TMEM132C: variants seen among roughly 807,000 people sequenced by gnomAD.
The protein encoded by TMEM132C is transmembrane protein 132C, also known as protein phosphatase 1, regulatory subunit 152.
In TMEM132C, 29 loss-of-function variants were observed where a neutral mutation model predicts 61.4. The ratio of observed to expected loss-of-function variants is 0.47; its 90% CI spans 0.35 to 0.64. TMEM132C has a LOEUF of 0.64. Among genes scored for constraint, TMEM132C ranks in the 30% least tolerant of loss-of-function variants. The pLI is 0.00. For missense variants in TMEM132C, 1,408 were observed against 1,476.9 expected (o/e 0.95, Z 0.76); for synonymous variants, 656 against 633.1 (o/e 1.04, Z -0.54).
intron 3 of TMEM132C, among the ~76,000 whole-genome samples, chr12:128,565,875 G>GA (rs768067209): frequency 0.011 from 1,406 of 131,274 alleles, 14 homozygotes; most frequent in Admixed American, 0.015. Context: ...CTAAATAGGT[G>GA]AAAAAAAAAA....
intron 4 of TMEM132C, among the ~76,000 whole-genome samples, chr12:128,628,723 G>A (rs1954041130): frequency 6.6e-6 from 1 of 152,186 alleles, no homozygotes; most frequent in Admixed American, 6.5e-5. Flanking sequence ...ACATCTGCCT[G>A]CTCCACCCGG....
chr12:128,270,390 C>T (rs1189127334), intron 1 of TMEM132C, among the ~76,000 whole-genome samples: 2 of 152,196 alleles, frequency 1.3e-5, no homozygotes, highest in Admixed American at 6.5e-5. Flanking sequence ...GCACATCGTG[C>T]TGACTTTGTG....
chr12:128,419,228 T>C (rs1049249562), intron 2 of TMEM132C, among the ~76,000 whole-genome samples: 10 of 152,188 alleles, frequency 6.6e-5, no homozygotes, highest in Admixed American at 2.0e-4. Context: ...AAGAAACCAA[T>C]AGGTATTTGG....
chr12:128,538,101 G>A (rs1033867601), intron 2 of TMEM132C, among the ~76,000 whole-genome samples: 12 of 140,838 alleles, frequency 8.5e-5, no homozygotes, highest in Admixed American at 4.3e-4. Context: ...GGGCTTAATA[G>A]TAATAGTACT....
At chr12:128,469,738 T>C (rs1007442619) in intron 2 of TMEM132C, among the ~76,000 whole-genome samples, 5 of 151,634 alleles carry the variant, frequency 3.3e-5, no homozygotes, top group Non-Finnish European at 5.9e-5. Context: ...ATATATGCAT[T>C]TATGTGTGTG....
Position 128,541,067 on chromosome 12 carries a change from T to C in TMEM132C, c.975-2890T>C, listed in dbSNP as rs544929767. On this transcript the variant is annotated intron_variant, in intron 2 of 8. Coordinates refer to ENST00000435159, the MANE Select transcript of TMEM132C (RefSeq NM_001136103.3). The stretch of plus-strand genomic sequence containing the variant: ...TCTCTGTGTGTCTGACTGCCTGGCT[T>C]TAAAGTGGGGTTCCCATGACCTCAT... 1.5e-3 allele frequency among the ~76,000 whole-genome samples: 220 copies of C among 146,096 alleles called. 2 individuals carry two copies. The highest frequency in any genetic ancestry group is 5.2e-3 in the African/African-American group (213 of 41,052).
intron 1 of TMEM132C, among the ~76,000 whole-genome samples, chr12:128,414,224 T>A (rs897614636): frequency 6.6e-6 from 1 of 151,790 alleles, no homozygotes; most frequent in African/African-American, 2.4e-5. Flanking sequence ...CCATCTCTAT[T>A]AAAAAAAATA....
In TMEM132C at chr12:128,580,920, C is replaced by T. The variant is rs78616295; in HGVS notation, c.1122-35232C>T. 3.5e-3 allele frequency among the ~76,000 whole-genome samples: 538 copies of T among 152,288 alleles called. 3 individuals carry two copies. Among genetic ancestry groups the T allele is most frequent in the African/African-American group, 0.012 (509 of 41,554 alleles). On this transcript the variant is annotated intron_variant, in intron 3 of 8. Transcript: ENST00000435159. ...GCCTGCTAGGATATTTAGTGGCATT[C>T]ATGGCCCTTCCCACTAGATGCCAAC...
intron 1 of TMEM132C, among the ~76,000 whole-genome samples, chr12:128,391,985 G>A (rs1212530308): frequency 6.6e-6 from 1 of 151,888 alleles, no homozygotes. Flanking sequence ...ACTATCCACT[G>A]ATATCTATGA....
chr12:128,654,739 AT>A (rs1192648639), intron 4 of TMEM132C, among the ~76,000 whole-genome samples: 2 of 152,168 alleles, frequency 1.3e-5, no homozygotes, highest in Non-Finnish European at 2.9e-5. Flanking sequence ...GGTTTTAGAC[AT>A]GGATCTTAAT....
At chr12:128,387,861 T>C (rs547711494) in intron 1 of TMEM132C, among the ~76,000 whole-genome samples, 41 of 152,260 alleles carry the variant, frequency 2.7e-4, no homozygotes, top group South Asian at 6.2e-4. Context: ...ACGTGGGTGT[T>C]TGTGCAGGCC....
intron 1 of TMEM132C, among the ~76,000 whole-genome samples, chr12:128,292,393 C>G (rs561564615): frequency 6.6e-6 from 1 of 152,320 alleles, no homozygotes; most frequent in South Asian, 2.1e-4. Context: ...TGCCCAACTT[C>G]CTCACCCAGC....
chr12:128,683,147 TCAC>T (rs1165932061), intron 5 of TMEM132C, among the ~76,000 whole-genome samples: 1 of 152,042 alleles, frequency 6.6e-6, no homozygotes, highest in Non-Finnish European at 1.5e-5. Context: ...TGGAAGCCTC[TCAC>T]CACTCTCCTC....
intron 1 of TMEM132C, among the ~76,000 whole-genome samples, chr12:128,402,017 A>G (rs1236769614): frequency 6.6e-6 from 1 of 152,184 alleles, no homozygotes; most frequent in Non-Finnish European, 1.5e-5. Context: ...ACTATCCTGG[A>G]TCATCCAGGT....
intron 2 of TMEM132C, among the ~76,000 whole-genome samples, chr12:128,487,926 T>G (rs1428980637): frequency 6.6e-6 from 1 of 152,138 alleles, no homozygotes; most frequent in Admixed American, 6.5e-5. Context: ...CCATTAAAAT[T>G]AATTAAAACC....
intron 1 of TMEM132C, among the ~76,000 whole-genome samples, chr12:128,298,000 G>A (rs987202409): frequency 1.3e-5 from 2 of 152,078 alleles, no homozygotes; most frequent in Non-Finnish European, 2.9e-5. Flanking sequence ...TCCCTGTTTT[G>A]CTTTTGTTTG....
At chr12:128,593,391 C>G (rs1049521900) in intron 3 of TMEM132C, among the ~76,000 whole-genome samples, 1 of 152,156 alleles carries the variant, frequency 6.6e-6, no homozygotes, top group Non-Finnish European at 1.5e-5. Context: ...AGATCTCTCC[C>G]TCAGTGGAGC....
intron 2 of TMEM132C, among the ~76,000 whole-genome samples, chr12:128,477,210 G>A (rs1370425538): frequency 6.6e-6 from 1 of 152,108 alleles, no homozygotes; most frequent in Non-Finnish European, 1.5e-5. Flanking sequence ...ATCTTGCTGC[G>A]AATCTTGGCT....
intron 1 of TMEM132C, among the ~76,000 whole-genome samples, chr12:128,413,844 A>G (rs1174243186): frequency 6.6e-6 from 1 of 152,096 alleles, no homozygotes; most frequent in Admixed American, 6.6e-5. Context: ...TTGTAATGCA[A>G]ATTTTTTAAT....
Sources: allele counts gnomAD v4.1 joint callset (sites outside exome capture counted in the v4.1 genomes callset), GRCh38; gene constraint gnomAD v4.1.1; transcripts MANE v1.5; gene names NCBI Gene and HGNC (gene_info 2026-07-23, HGNC 2026-07-21).